GRIN2A: variants seen among roughly 807,000 people sequenced by gnomAD.
GRIN2A encodes the protein glutamate ionotropic receptor NMDA type subunit 2A, also known as glutamate receptor ionotropic, NMDA 2A.
Under a neutral mutation model 113.4 loss-of-function variants are expected in GRIN2A, and 22 were observed. That is an observed-to-expected ratio of 0.19 (90% CI 0.14 to 0.28). The LOEUF is 0.28. Ranked by LOEUF, GRIN2A falls within the 10% of genes least tolerant of loss-of-function variation. The pLI is 1.00. For synonymous variants in GRIN2A, 827 were observed against 738.4 expected, an observed-to-expected ratio of 1.12 and a Z score of -1.94; for missense variants, 1,502 against 1,887.0, an observed-to-expected ratio of 0.80 and a Z score of 3.78.
intron 10 of GRIN2A, among the ~76,000 whole-genome samples, chr16:9,814,124 G>A (rs2042142530): frequency 6.6e-6 from 1 of 152,144 alleles, no homozygotes; most frequent in African/African-American, 2.4e-5. Flanking sequence ...TGATAATGCT[G>A]TGATTTTATC....
At chr16:9,997,577 C>T (rs1379793218) in intron 2 of GRIN2A, among the ~76,000 whole-genome samples, 9 of 152,200 alleles carry the variant, frequency 5.9e-5, no homozygotes, top group Non-Finnish European at 1.0e-4. Context: ...TCCCCAACAT[C>T]GACCATTCTT....
chr16:10,158,445 G>A (rs1157255586), intron 2 of GRIN2A, among the ~76,000 whole-genome samples: 2 of 152,166 alleles, frequency 1.3e-5, no homozygotes, highest in Admixed American at 1.3e-4. Flanking sequence ...TTGAAAACAG[G>A]TGTTCAAACA....
At chr16:9,950,688 G>A (rs1327125279) in intron 2 of GRIN2A, among the ~76,000 whole-genome samples, 1 of 152,188 alleles carries the variant, frequency 6.6e-6, no homozygotes, top group Non-Finnish European at 1.5e-5. Flanking sequence ...TTAGTGCAGT[G>A]GAAGGCGCAA....
intron 2 of GRIN2A, among the ~76,000 whole-genome samples, chr16:10,159,560 G>A (rs993451061): frequency 6.6e-6 from 1 of 152,220 alleles, no homozygotes; most frequent in African/African-American, 2.4e-5. Context: ...CATCATCAAT[G>A]AGGCTGGAGT....
intron 2 of GRIN2A, among the ~76,000 whole-genome samples, chr16:10,098,462 C>G (rs1156492574): frequency 6.6e-6 from 1 of 152,276 alleles, no homozygotes; most frequent in Middle Eastern, 3.4e-3. Flanking sequence ...GGTATCTACC[C>G]AGAGGAAAAG....
intron 2 of GRIN2A, among the ~76,000 whole-genome samples, chr16:10,167,187 G>A (rs1214877438): frequency 6.6e-6 from 1 of 152,148 alleles, no homozygotes; most frequent in Non-Finnish European, 1.5e-5. Flanking sequence ...CAGAGGGTCT[G>A]TGATCCCCTG....
rs578072811 is a variant in GRIN2A, at chr16:10,070,149, G to A, written c.414+109849C>T. 7.6e-4 allele frequency among the ~76,000 whole-genome samples: 116 copies of A among 152,276 alleles called. 3 individuals carry two copies. The highest frequency in any genetic ancestry group is 7.3e-3 in the Admixed American group (111 of 15,304). On this transcript the variant is annotated intron_variant, in intron 2 of 12. Coordinates refer to ENST00000330684, the MANE Select transcript of GRIN2A (RefSeq NM_001134407.3). ...AAGTCTGAGTCTTCATCCTCAACTC[G>A]GGGAAGTCCTGGAGCCCTTCCCTGG...
At chr16:9,936,691 C>T (rs1317486210) in intron 3 of GRIN2A, among the ~76,000 whole-genome samples, 2 of 152,164 alleles carry the variant, frequency 1.3e-5, no homozygotes, top group Non-Finnish European at 1.5e-5. Context: ...GATACATTCA[C>T]ATAATGGAAT....
intron 2 of GRIN2A, among the ~76,000 whole-genome samples, chr16:10,076,243 T>C (rs2047870544): frequency 6.6e-6 from 1 of 152,166 alleles, no homozygotes; most frequent in African/African-American, 2.4e-5. Context: ...GTTTACCCTC[T>C]TTCCTGCATT....
intron 2 of GRIN2A, among the ~76,000 whole-genome samples, chr16:10,045,163 C>A (rs889742595): frequency 6.6e-6 from 1 of 152,168 alleles, no homozygotes; most frequent in African/African-American, 2.4e-5. Context: ...TTCCTTGGTG[C>A]CTTCCATCAC....
At chr16:9,800,720 G>C (rs1903307560) in intron 10 of GRIN2A, among the ~76,000 whole-genome samples, 1 of 152,072 alleles carries the variant, frequency 6.6e-6, no homozygotes, top group South Asian at 2.1e-4. Flanking sequence ...GGCTCTGAGA[G>C]TATTAAAGGG....
At chr16:9,798,488 G>T (rs529918738) in intron 10 of GRIN2A, 24 bp from the exon 11 acceptor site, 118 of 1,606,926 alleles carry the variant, frequency 7.3e-5, no homozygotes, top group South Asian at 5.7e-4. Flanking sequence ...AAACCAGGGG[G>T]TCATAGGGGT....
chr16:9,822,203 T>A, intron 10 of GRIN2A, 61 bp downstream of exon 10: 1 of 1,547,358 alleles, frequency 6.5e-7, no homozygotes, highest in Non-Finnish European at 8.9e-7. Flanking sequence ...ATGCCGAGAG[T>A]CAATTTCTGT....
chr16:10,131,483 T>G (rs1301575237), intron 2 of GRIN2A, among the ~76,000 whole-genome samples: 3 of 151,952 alleles, frequency 2.0e-5, no homozygotes, highest in Non-Finnish European at 2.9e-5. Flanking sequence ...TTTTTTTTTT[T>G]TTAATGCTCA....
intron 2 of GRIN2A, among the ~76,000 whole-genome samples, chr16:9,981,850 G>A (rs1372764611): frequency 6.6e-6 from 1 of 152,118 alleles, no homozygotes; most frequent in Non-Finnish European, 1.5e-5. Flanking sequence ...GCAGGGGTGT[G>A]ATCTCTGCTC....
intron 9 of GRIN2A, among the ~76,000 whole-genome samples, chr16:9,828,491 T>C (rs187542640): frequency 1.3e-5 from 2 of 152,320 alleles, no homozygotes; most frequent in South Asian, 2.1e-4. Flanking sequence ...TGTAGACTTA[T>C]GTCAAAAAGA....
At chr16:9,810,124 G>A (rs1478557258) in intron 10 of GRIN2A, among the ~76,000 whole-genome samples, 1 of 152,168 alleles carries the variant, frequency 6.6e-6, no homozygotes, top group Non-Finnish European at 1.5e-5. Flanking sequence ...GAGACCAGGA[G>A]GCAGGGGATA....
intron 3 of GRIN2A, among the ~76,000 whole-genome samples, chr16:9,922,296 C>A (rs944265010): frequency 8.6e-5 from 13 of 151,914 alleles, no homozygotes; most frequent in African/African-American, 2.9e-4. Context: ...TAACCAACAC[C>A]ATCAATCTGC....
At chr16:10,050,067 G>A (rs145172914) in intron 2 of GRIN2A, among the ~76,000 whole-genome samples, 1 of 152,296 alleles carries the variant, frequency 6.6e-6, no homozygotes, top group East Asian at 1.9e-4. Context: ...TTACATGGCC[G>A]AGAAGACTTC....
Sources: gnomAD v4.1 joint callset for allele counts (sites outside exome capture counted in the v4.1 genomes callset) on GRCh38, gnomAD v4.1.1 for gene constraint, MANE v1.5 for transcripts, NCBI Gene and HGNC (gene_info 2026-07-23, HGNC 2026-07-21) for gene names.